The following AARS1 variants were observed in gnomAD, a reference collection of about 807,000 sequenced individuals.
AARS1 encodes the protein alanine--tRNA ligase, cytoplasmic.
Under a neutral mutation model 108.9 loss-of-function variants are expected in AARS1, and 72 were observed. The ratio of observed to expected loss-of-function variants is 0.66; its 90% CI spans 0.55 to 0.80. The LOEUF (loss-of-function observed/expected upper bound fraction) is 0.80, where lower values mean the gene tolerates loss of function less well. Among genes scored for constraint, AARS1 ranks in the 30% least tolerant of loss-of-function variants. AARS1 has a pLI of 0.00. For missense variants in AARS1, 1,193 were observed against 1,233.2 expected (o/e 0.97, Z 0.49); for synonymous variants, 489 against 465.7 (o/e 1.05, Z -0.64).
At chr16:70,284,359 T>C (rs1010940208) in intron 1 of AARS1, among the ~76,000 whole-genome samples, 2 of 148,694 alleles carry the variant, frequency 1.3e-5, no homozygotes, top group African/African-American at 5.0e-5. Context: ...TCCCAGCACT[T>C]TGAGAGGCCG....
intron 13 of AARS1, among the ~76,000 whole-genome samples, 159 bp from the exon 14 acceptor site, chr16:70,259,345 T>C (rs918314613): frequency 6.6e-6 from 1 of 152,222 alleles, no homozygotes; most frequent in African/African-American, 2.4e-5. Context: ...TGTGTCCATG[T>C]GACTAAGTTC....
chr16:70,268,041 A>C (rs1302668879), intron 8 of AARS1, among the ~76,000 whole-genome samples: 1 of 152,152 alleles, frequency 6.6e-6, no homozygotes, highest in Non-Finnish European at 1.5e-5. Context: ...GGCGGTGTGC[A>C]CCTGTAATCC....
intron 7 of AARS1, among the ~76,000 whole-genome samples, chr16:70,269,319 T>C (rs1960336803): frequency 3.0e-5 from 1 of 32,994 alleles, no homozygotes; most frequent in Non-Finnish European, 4.8e-5. Flanking sequence ...AAATTCTGTC[T>C]CAGAAAAAAA....
intron 9 of AARS1, among the ~76,000 whole-genome samples, chr16:70,266,678 T>G (rs1230795209): frequency 6.6e-6 from 1 of 151,396 alleles, no homozygotes; most frequent in Non-Finnish European, 1.5e-5. Context: ...CCCGCCATCA[T>G]GCATGGCTAA....
intron 4 of AARS1, among the ~76,000 whole-genome samples, chr16:70,274,008 G>C (rs990877268): frequency 4.0e-5 from 6 of 150,894 alleles, no homozygotes; most frequent in African/African-American, 1.5e-4. Context: ...CTGGGTGAGA[G>C]TGAGACCCTG....
intron 17 of AARS1, 95 bp from the exon 18 acceptor site, chr16:70,254,133 AG>A: frequency 6.5e-7 from 1 of 1,542,736 alleles, no homozygotes; most frequent in Non-Finnish European, 8.9e-7. Flanking sequence ...CTCCCTGACT[AG>A]TGTCCTGGAA....
Position 70,252,898 on chromosome 16 carries a change from G to A in AARS1, c.2730C>T (p.Ala910=), listed in dbSNP as rs199839663. Residue 910 remains alanine (A), a synonymous_variant, in exon 21 of 21, where the codon GCC becomes GCT. Coordinates refer to ENST00000261772, the MANE Select transcript of AARS1 (RefSeq NM_001605.3). ...TCLCQVPQNA[A]NRGLKASEWV... Reference sequence around the variant, plus strand: ...ACTCGCTGGCTTTTAAGCCCCGATTGGCTGCATTCTAGAAGACAGGAAGGG... The same window carrying A: ...ACTCGCTGGCTTTTAAGCCCCGATTAGCTGCATTCTAGAAGACAGGAAGGG... 89 of 1,614,192 alleles carry A rather than the reference G, an allele frequency of 5.5e-5. 1 individual carries two copies. The East Asian group carries it at 2.0e-3, about 36-fold the overall frequency.
intron 13 of AARS1, among the ~76,000 whole-genome samples, chr16:70,260,817 C>G (rs540528237): frequency 6.6e-6 from 1 of 152,196 alleles, no homozygotes; most frequent in East Asian, 1.9e-4. Context: ...CGCCTGCCAC[C>G]ACGCCCAGCT....
At chr16:70,278,667 G>A (rs1276263289) in intron 2 of AARS1, among the ~76,000 whole-genome samples, 1 of 152,010 alleles carries the variant, frequency 6.6e-6, no homozygotes, top group Non-Finnish European at 1.5e-5. Context: ...ATGTTGAGGA[G>A]AACATTTCTG....
chr16:70,253,644 A>C, intron 19 of AARS1, 70 bp downstream of exon 19: 1 of 1,543,434 alleles, frequency 6.5e-7, no homozygotes, highest in Admixed American at 1.7e-5. Flanking sequence ...GCTCAGAGCC[A>C]CAGAGGCCAC....
chr16:70,260,668 CA>C (rs1428115205), intron 13 of AARS1, among the ~76,000 whole-genome samples: 1 of 151,956 alleles, frequency 6.6e-6, no homozygotes, highest in African/African-American at 2.4e-5. Context: ...AGTGACAGGA[CA>C]ATTTTTTTTT....
chr16:70,255,675 T>C, intron 16 of AARS1, 53 bp downstream of exon 16: 1 of 1,509,122 alleles, frequency 6.6e-7, no homozygotes, highest in Non-Finnish European at 9.2e-7. Flanking sequence ...ATTCGCAGAC[T>C]GGGCTCCTCT....
intron 12 of AARS1, 43 bp downstream of exon 12, chr16:70,262,303 C>A (rs757614334): frequency 5.0e-6 from 8 of 1,612,848 alleles, no homozygotes; most frequent in Non-Finnish European, 6.8e-6. Context: ...CCCGGCTCCA[C>A]GCCTGGCCCT....
At chr16:70,284,054 G>C (rs994052514) in intron 1 of AARS1, among the ~76,000 whole-genome samples, 1 of 151,998 alleles carries the variant, frequency 6.6e-6, no homozygotes, top group Non-Finnish European at 1.5e-5. Flanking sequence ...AGTACAAATA[G>C]TAAAAAAATT....
rs11385686 is a variant in AARS1, at chr16:70,261,671, A to ATT, written c.1672-516_1672-515dup. ...AACCAATATTAAGGAGCATCTTAGA[A>ATT]TTTTTTTTTTTTTTTTGAGACAGAG... On this transcript the variant is annotated intron_variant, in intron 12 of 20. Transcript: ENST00000261772. Among the ~76,000 whole-genome samples the ATT allele has an allele frequency of 4.4e-3, 578 of 131,798 alleles. 8 individuals carry two copies. Among genetic ancestry groups the ATT allele is most frequent in the Middle Eastern group, 0.017 (4 of 234 alleles). 86.5% of individuals were successfully genotyped at this position (131,798 alleles called of 152,430 possible). A position where few individuals can be genotyped will look rare whatever the true frequency, so the allele number is the denominator to read the frequency against.
chr16:70,267,624 G>C (rs766515164), intron 9 of AARS1, 35 bp downstream of exon 9: 3 of 1,613,630 alleles, frequency 1.9e-6, no homozygotes, highest in South Asian at 1.1e-5. Context: ...AAGATCAAAC[G>C]GCCAGGATGG....
chr16:70,285,227 TA>T (rs541642359), intron 1 of AARS1, among the ~76,000 whole-genome samples: 693 of 133,572 alleles, frequency 5.2e-3, no homozygotes, highest in Non-Finnish European at 5.3e-3. Flanking sequence ...AGACTCCGTC[TA>T]AAAAAAAAAA....
At position 70,253,348 on chromosome 16, in the gene AARS1, G is replaced by C. The variant is rs150144514; in HGVS notation, c.2641C>G (p.His881Asp). Residue 881 changes from histidine (H) to aspartate (D), a missense_variant, in exon 20 of 21, where the codon CAC (histidine) becomes GAC (aspartate). By Grantham distance (81) the His-to-Asp change is moderately conservative (BLOSUM62 -1). Coordinates refer to ENST00000261772, the MANE Select transcript of AARS1 (RefSeq NM_001605.3). ...AGCATGGCAGAAGTCTGAGGGGAGT[G>C]CATCTTGAAGAGCTTCAAGGCTTCA... ...LNEALKLFKM[H>D]SPQTSAMLFT... 1 of 1,614,128 alleles carries C rather than the reference G, an allele frequency of 6.2e-7. No individual in the cohort carries two copies. The highest frequency in any genetic ancestry group is 8.5e-7 in the Non-Finnish European group (1 of 1,179,980).
rs528612824 is a variant in AARS1 at position 70,283,806 on chromosome 16, C to T, written c.-21-1022G>A. On this transcript the variant is annotated intron_variant, in intron 1 of 20. Coordinates refer to ENST00000261772, the MANE Select transcript of AARS1 (RefSeq NM_001605.3). The stretch of plus-strand genomic sequence containing the variant: ...CTAACAGCAAACGGCTGCCTTCCAG[C>T]CATTAGATTACCAGGGAGTGGGGAT... Among the ~76,000 whole-genome samples, 11 of 152,254 alleles carry T rather than the reference C, an allele frequency of 7.2e-5. No individual in the cohort carries two copies. In the East Asian group the frequency reaches 1.5e-3, roughly 21 times the overall value.
Sources: allele counts gnomAD v4.1 joint callset (sites outside exome capture counted in the v4.1 genomes callset), GRCh38; gene constraint gnomAD v4.1.1; transcripts MANE v1.5; gene names NCBI Gene and HGNC (gene_info 2026-07-23, HGNC 2026-07-21).